Variants in ZFPM2 observed in about 807,000 individuals in gnomAD.
ZFPM2 encodes the protein zinc finger protein, FOG family member 2, also known as zinc finger protein ZFPM2.
In ZFPM2, 20 loss-of-function variants were observed where a neutral mutation model predicts 98.6. That is an observed-to-expected ratio of 0.20 (90% CI 0.14 to 0.29). The LOEUF (loss-of-function observed/expected upper bound fraction) is 0.29, where lower values mean the gene tolerates loss of function less well. ZFPM2 is among the 10% of genes least tolerant of loss of function. The pLI is 1.00. For missense variants in ZFPM2, 1,310 were observed against 1,388.6 expected (o/e 0.94, Z 0.90); for synonymous variants, 518 against 502.7 (o/e 1.03, Z -0.41).
intron 3 of ZFPM2, among the ~76,000 whole-genome samples, chr8:105,456,146 G>GTTTTTT (rs200639878): frequency 7.5e-5 from 7 of 93,346 alleles, no homozygotes; most frequent in East Asian, 5.0e-4. Context: ...CCAGGAAAAT[G>GTTTTTT]TTTTTTTTTG....
chr8:105,794,393 G>T (rs1237643008), intron 6 of ZFPM2, among the ~76,000 whole-genome samples: 1 of 152,122 alleles, frequency 6.6e-6, no homozygotes, highest in Non-Finnish European at 1.5e-5. Flanking sequence ...CAGAACAGTG[G>T]TTTTTCATGA....
intron 5 of ZFPM2, among the ~76,000 whole-genome samples, chr8:105,752,659 T>G (rs920145127): frequency 6.6e-6 from 1 of 152,150 alleles, no homozygotes; most frequent in Admixed American, 6.5e-5. Context: ...AACCACCTTA[T>G]TTGAAATGAA....
At chr8:105,775,303 T>TC (rs776713640) in intron 5 of ZFPM2, among the ~76,000 whole-genome samples, 6 of 151,574 alleles carry the variant, frequency 4.0e-5, no homozygotes, top group East Asian at 2.0e-4. Flanking sequence ...GTGTTTCATT[T>TC]CCCCCCCTCC....
chr8:105,500,631 A>G (rs538025220), intron 3 of ZFPM2, among the ~76,000 whole-genome samples: 1 of 152,304 alleles, frequency 6.6e-6, no homozygotes, highest in African/African-American at 2.4e-5. Flanking sequence ...TTATTAGCTA[A>G]GTATATTGTA....
intron 3 of ZFPM2, among the ~76,000 whole-genome samples, chr8:105,497,042 GTGGCGAGATC>G (rs987320617): frequency 8.0e-5 from 12 of 149,226 alleles, no homozygotes; most frequent in African/African-American, 2.9e-4. Context: ...CTGGAGTGCA[GTGGCGAGATC>G]TGGGCTCACT....
At chr8:105,573,507 A>G (rs1815400518) in intron 4 of ZFPM2, among the ~76,000 whole-genome samples, 1 of 152,250 alleles carries the variant, frequency 6.6e-6, no homozygotes, top group Non-Finnish European at 1.5e-5. Flanking sequence ...ACTGTATGCT[A>G]TACAGCATCA....
chr8:105,688,301 T>C (rs1810791658), intron 5 of ZFPM2, among the ~76,000 whole-genome samples: 1 of 152,074 alleles, frequency 6.6e-6, no homozygotes, highest in Admixed American at 6.6e-5. Context: ...AAGCTGCTTA[T>C]GACATGTTTA....
At chr8:105,486,786 G>A (rs1459246156) in intron 3 of ZFPM2, among the ~76,000 whole-genome samples, 3 of 152,142 alleles carry the variant, frequency 2.0e-5, no homozygotes, top group Non-Finnish European at 4.4e-5. Flanking sequence ...TGAAAAATAT[G>A]TTTGTCAGAT....
rs768602155 is a variant in ZFPM2, at chr8:105,795,812, A to G, written c.740-2912A>G. On this transcript the variant is annotated intron_variant, in intron 6 of 7. Transcript: ENST00000407775. ...TCTGGAGTCCCAAGATCTGTGTTCT[A>G]GCCATATCTGATTTTTATCTAGCTC... 6.1e-6 allele frequency: 3 copies of G among 490,160 alleles called. No homozygotes were observed. The Admixed American group carries it at 6.2e-5, about 10-fold the overall frequency. 30.4% of individuals were successfully genotyped at this position (490,160 alleles called of 1,614,324 possible). A position where few individuals can be genotyped will look rare whatever the true frequency, so the allele number is the denominator to read the frequency against.
chr8:105,587,064 C>T (rs1815735692), intron 4 of ZFPM2, among the ~76,000 whole-genome samples: 1 of 151,282 alleles, frequency 6.6e-6, no homozygotes, highest in Non-Finnish European at 1.5e-5. Context: ...ATCACAAGGT[C>T]AGGAGATCGA....
intron 5 of ZFPM2, among the ~76,000 whole-genome samples, chr8:105,710,966 C>CT (rs1449287478): frequency 6.6e-6 from 1 of 151,978 alleles, no homozygotes; most frequent in East Asian, 1.9e-4. Context: ...TTCATTCTCT[C>CT]TTTTTGTTCA....
intron 1 of ZFPM2, among the ~76,000 whole-genome samples, chr8:105,324,340 GT>G (rs1411508606): frequency 6.6e-6 from 1 of 151,788 alleles, no homozygotes; most frequent in African/African-American, 2.4e-5. Flanking sequence ...TGTCCATTAA[GT>G]TAACTTTGCA....
At chr8:105,754,456 AAG>A (rs1812548758) in intron 5 of ZFPM2, among the ~76,000 whole-genome samples, 1 of 152,078 alleles carries the variant, frequency 6.6e-6, no homozygotes, top group Non-Finnish European at 1.5e-5. Context: ...CCAGGCTTCG[AAG>A]CTCTGTCATA....
chr8:105,359,616 C>A (rs1377216540), intron 1 of ZFPM2, among the ~76,000 whole-genome samples: 1 of 152,052 alleles, frequency 6.6e-6, no homozygotes, highest in Non-Finnish European at 1.5e-5. Flanking sequence ...CCTCATGATC[C>A]ACCCGCCTCA....
At chr8:105,498,882 C>T (rs761978459) in intron 3 of ZFPM2, among the ~76,000 whole-genome samples, 4 of 152,146 alleles carry the variant, frequency 2.6e-5, no homozygotes, top group Non-Finnish European at 5.9e-5. Flanking sequence ...GGCCAGCCTA[C>T]TAATATCTGT....
intron 3 of ZFPM2, among the ~76,000 whole-genome samples, chr8:105,516,829 T>G (rs1813932863): frequency 6.6e-6 from 1 of 152,194 alleles, no homozygotes; most frequent in Admixed American, 6.5e-5. Flanking sequence ...CTATAATTTC[T>G]GACACAAGCC....
chr8:105,342,448 A>T (rs1812447850), intron 1 of ZFPM2, among the ~76,000 whole-genome samples: 1 of 152,100 alleles, frequency 6.6e-6, no homozygotes, highest in Admixed American at 6.6e-5. Context: ...GGTAATTTGA[A>T]ATAAAAAGAC....
intron 5 of ZFPM2, among the ~76,000 whole-genome samples, chr8:105,665,412 T>C (rs534749436): frequency 6.6e-6 from 1 of 152,310 alleles, no homozygotes; most frequent in East Asian, 1.9e-4. Flanking sequence ...ATGATAATTG[T>C]TGGATTTTGT....
At chr8:105,394,305 G>A (rs1471855469) in intron 1 of ZFPM2, among the ~76,000 whole-genome samples, 1 of 152,118 alleles carries the variant, frequency 6.6e-6, no homozygotes, top group Admixed American at 6.6e-5. Flanking sequence ...TGCTGCCTTT[G>A]TTTAGGGAAG....
Sources: allele counts gnomAD v4.1 joint callset (sites outside exome capture counted in the v4.1 genomes callset), GRCh38; gene constraint gnomAD v4.1.1; transcripts MANE v1.5; gene names NCBI Gene and HGNC (gene_info 2026-07-23, HGNC 2026-07-21).